Variants in BMP2K observed in about 807,000 individuals in gnomAD.
BMP2K encodes BMP-2-inducible protein kinase.
BMP2K carries 74 observed loss-of-function variants against 116.0 expected under a neutral mutation model. That is an observed-to-expected ratio of 0.64 (90% CI 0.53 to 0.77). The LOEUF (loss-of-function observed/expected upper bound fraction) is 0.77, where lower values mean the gene tolerates loss of function less well. BMP2K is among the 30% of genes least tolerant of loss of function. BMP2K has a pLI of 0.00. For missense variants in BMP2K, 1,365 were observed against 1,403.6 expected (o/e 0.97, Z 0.44); for synonymous variants, 486 against 502.5 (o/e 0.97, Z 0.44).
intron 4 of BMP2K, among the ~76,000 whole-genome samples, chr4:78,843,147 G>T (rs1341254885): frequency 6.6e-6 from 1 of 151,816 alleles, no homozygotes; most frequent in African/African-American, 2.4e-5. Flanking sequence ...ATAACTGCAG[G>T]TGTCCTCTTT....
intron 13 of BMP2K, among the ~76,000 whole-genome samples, chr4:78,875,374 C>T (rs1029122629): frequency 1.2e-4 from 19 of 152,056 alleles, no homozygotes; most frequent in African/African-American, 4.6e-4. Context: ...TAATTATTTC[C>T]TTTTCTTTTC....
At chr4:78,847,774 A>C (rs1176746033) in intron 6 of BMP2K, among the ~76,000 whole-genome samples, 1 of 151,740 alleles carries the variant, frequency 6.6e-6, no homozygotes, top group African/African-American at 2.4e-5. Context: ...AATTACTGAG[A>C]TAGACCATAT....
rs1731102365 is a variant in BMP2K at position 78,848,256 on chromosome 4, ATAATT to A, written c.750+993_750+997del. Among the ~76,000 whole-genome samples the A allele has an allele frequency of 2.0e-5, 3 of 151,720 alleles. No homozygotes were observed. The South Asian group carries it at 6.2e-4, about 31-fold the overall frequency. On this transcript the variant is annotated intron_variant, in intron 6 of 15. Coordinates refer to ENST00000502613, the MANE Select transcript of BMP2K (RefSeq NM_198892.2). ...AGATGAATTTTTTAAAATCACATGT[ATAATT>A]TAATTAAAAATAAGTTTATTAATTT...
chr4:78,851,205 T>C (rs536721142), intron 7 of BMP2K, 149 bp downstream of exon 7: 1 of 854,836 alleles, frequency 1.2e-6, no homozygotes, highest in Admixed American at 3.5e-5. Context: ...AAAAAGTGTT[T>C]AAAAACTTAC....
intron 1 of BMP2K, among the ~76,000 whole-genome samples, chr4:78,802,324 G>A (rs1175489801): frequency 1.3e-5 from 2 of 152,088 alleles, no homozygotes; most frequent in East Asian, 1.9e-4. Context: ...TTTTTGTCTC[G>A]AAAGAATTGT....
chr4:78,793,208 G>A (rs1478492340), intron 1 of BMP2K, among the ~76,000 whole-genome samples: 2 of 151,898 alleles, frequency 1.3e-5, no homozygotes, highest in Non-Finnish European at 2.9e-5. Context: ...TCAGGAGATC[G>A]AGACCATCCT....
In BMP2K at chr4:78,885,133, C is replaced by T. The variant is rs1471221180; in HGVS notation, c.1952-2041C>T. 2.0e-5 allele frequency among the ~76,000 whole-genome samples: 3 copies of T among 152,110 alleles called. No individual in the cohort carries two copies. The East Asian group carries it at 5.8e-4, about 29-fold the overall frequency. ...AACAATTGTCAGATGTATTTAGTAA[C>T]TCAATATTAGTGCCTCAACAAAATG... On this transcript the variant is annotated intron_variant, in intron 14 of 15. Transcript: ENST00000502613.
At chr4:78,907,756 A>G (rs1734359875) in intron 15 of BMP2K, among the ~76,000 whole-genome samples, 1 of 152,170 alleles carries the variant, frequency 6.6e-6, no homozygotes. Flanking sequence ...TTGAGACCAC[A>G]GAACTGTTTG....
intron 3 of BMP2K, among the ~76,000 whole-genome samples, chr4:78,834,467 T>C (rs539066265): frequency 2.0e-5 from 3 of 152,222 alleles, no homozygotes; most frequent in Admixed American, 1.3e-4. Flanking sequence ...TTCACCATGT[T>C]CACCAGGATG....
At position 78,871,006 on chromosome 4, in the gene BMP2K, G is replaced by GCAGCAC. The variant is rs2110058910; in HGVS notation, c.1458_1463dup (p.Gln486_His487dup). 1 of 1,573,486 alleles carries GCAGCAC rather than the reference G, an allele frequency of 6.4e-7. No homozygotes were observed. Among genetic ancestry groups the GCAGCAC allele is most frequent in the South Asian group, 1.1e-5 (1 of 90,346 alleles). On this transcript the variant is annotated inframe_insertion, in exon 11 of 16. Transcript: ENST00000502613. The stretch of plus-strand genomic sequence containing the variant: ...AACAGCAGCAGCAGCAGCAGCAGCA[G>GCAGCAC]CAGCACCACCACCACCACCACCACC...
chr4:78,863,191 T>C, intron 9 of BMP2K, among the ~76,000 whole-genome samples: 1 of 152,180 alleles, frequency 6.6e-6, no homozygotes, highest in African/African-American at 2.4e-5. Context: ...AAAAATAAGG[T>C]TGATTGGTAC....
chr4:78,892,811 A>G (rs1733513184), intron 15 of BMP2K, among the ~76,000 whole-genome samples: 1 of 152,248 alleles, frequency 6.6e-6, no homozygotes. Flanking sequence ...TGTATATACC[A>G]TAATTTAAAA....
At chr4:78,836,189 G>A (rs914299236) in intron 3 of BMP2K, among the ~76,000 whole-genome samples, 3 of 151,924 alleles carry the variant, frequency 2.0e-5, no homozygotes, top group South Asian at 2.1e-4. Flanking sequence ...AGGCTGAGGC[G>A]GGCGGATCAA....
intron 5 of BMP2K, 109 bp downstream of exon 5, chr4:78,845,158 T>C (rs1467967408): frequency 1.0e-6 from 1 of 992,166 alleles, no homozygotes; most frequent in Non-Finnish European, 1.5e-6. Flanking sequence ...TAGATTTCTT[T>C]GAAATATTTC....
chr4:78,863,091 T>C (rs17003473), intron 9 of BMP2K, among the ~76,000 whole-genome samples: 7,370 of 152,158 alleles, frequency 0.048, 565 homozygotes, highest in African/African-American at 0.17. Context: ...ATGCAAGTTA[T>C]AGCTTTAGAG....
chr4:78,845,187 T>G (rs940940243), intron 5 of BMP2K, 138 bp downstream of exon 5: 1 of 794,874 alleles, frequency 1.3e-6, no homozygotes, highest in Admixed American at 3.3e-5. Context: ...AGATGTTGAT[T>G]AATTCATGTC....
chr4:78,799,082 G>A (rs1728441639), intron 1 of BMP2K, among the ~76,000 whole-genome samples: 1 of 152,100 alleles, frequency 6.6e-6, no homozygotes, highest in African/African-American at 2.4e-5. Context: ...GAAAAGACAG[G>A]GCAACAGTGC....
In BMP2K at chr4:78,799,217, C is replaced by T. The variant is rs113409146; in HGVS notation, c.178+22496C>T. Among the ~76,000 whole-genome samples, 690 of 151,724 alleles carry T rather than the reference C, an allele frequency of 4.5e-3. 2 individuals are homozygous for T. The highest frequency in any genetic ancestry group is 0.016 in the African/African-American group (653 of 41,384). On this transcript the variant is annotated intron_variant, in intron 1 of 15. Transcript: ENST00000502613. ...CAGAATTAGGAAAAAGTTCTGTTTG[C>T]TACATATTTCAATAAAGATATTAAA...
intron 10 of BMP2K, among the ~76,000 whole-genome samples, chr4:78,869,900 T>G (rs1221971590): frequency 6.6e-6 from 1 of 152,152 alleles, no homozygotes; most frequent in Non-Finnish European, 1.5e-5. Context: ...CTGTTGTACT[T>G]AGGTCTGAGG....
Sources: allele counts gnomAD v4.1 joint callset (sites outside exome capture counted in the v4.1 genomes callset), GRCh38; gene constraint gnomAD v4.1.1; transcripts MANE v1.5; gene names NCBI Gene and HGNC (gene_info 2026-07-23, HGNC 2026-07-21).